DCLK2: variants seen among roughly 807,000 people sequenced by gnomAD.
DCLK2 encodes serine/threonine-protein kinase DCLK2.
DCLK2 carries 31 observed loss-of-function variants against 78.4 expected under a neutral mutation model. The observed-to-expected ratio is 0.40, with a 90% CI of 0.30 to 0.53. The LOEUF is 0.53. DCLK2 is among the 20% of genes least tolerant of loss of function. DCLK2 has a pLI of 0.61. For missense variants in DCLK2, 872 were observed against 973.7 expected (o/e 0.90, Z 1.39); for synonymous variants, 407 against 374.9 (o/e 1.09, Z -0.99).
At chr4:150,236,084 C>A (rs1742481803) in intron 10 of DCLK2, among the ~76,000 whole-genome samples, 1 of 152,108 alleles carries the variant, frequency 6.6e-6, no homozygotes, top group East Asian at 1.9e-4. Flanking sequence ...ATTAAGTTGA[C>A]ATTTTATTTA....
intron 5 of DCLK2, among the ~76,000 whole-genome samples, chr4:150,208,402 TTTTGTTTTG>T (rs1740016092): frequency 2.1e-4 from 1 of 4,858 alleles, no homozygotes; most frequent in African/African-American, 5.4e-4. Context: ...TTTTTTTTGT[TTTTGTTTTG>T]TTTTGTTTTG....
intron 2 of DCLK2, among the ~76,000 whole-genome samples, chr4:150,114,138 T>G (rs556619420): frequency 6.6e-6 from 1 of 152,316 alleles, no homozygotes; most frequent in Admixed American, 6.5e-5. Context: ...TTTTTTAATT[T>G]ATTAAGATTT....
chr4:150,109,367 G>A (rs1560779216), intron 2 of DCLK2, among the ~76,000 whole-genome samples: 1 of 150,416 alleles, frequency 6.6e-6, no homozygotes, highest in Non-Finnish European at 1.5e-5. Flanking sequence ...ACGGAGTCTG[G>A]CTCTGTCGCC....
At chr4:150,140,030 G>C in intron 2 of DCLK2, among the ~76,000 whole-genome samples, 1 of 152,134 alleles carries the variant, frequency 6.6e-6, no homozygotes, top group Non-Finnish European at 1.5e-5. Flanking sequence ...GTGAGTGTTG[G>C]TCTGTGTTTC....
intron 1 of DCLK2, among the ~76,000 whole-genome samples, chr4:150,082,395 CA>C (rs1729361813): frequency 6.6e-6 from 1 of 152,172 alleles, no homozygotes; most frequent in East Asian, 1.9e-4. Context: ...AACATTCATT[CA>C]GAGCCCCAAT....
intron 1 of DCLK2, among the ~76,000 whole-genome samples, chr4:150,080,153 A>G (rs1729148156): frequency 6.7e-6 from 1 of 149,504 alleles, no homozygotes; most frequent in South Asian, 2.1e-4. Context: ...CTGGTTAACA[A>G]TCACCGTGCT....
rs571594649 is a variant in DCLK2 at position 150,113,882 on chromosome 4, A to G, written c.756+11070A>G. 1.5e-4 allele frequency among the ~76,000 whole-genome samples: 23 copies of G among 152,262 alleles called. No homozygotes were observed. In the East Asian group the frequency reaches 3.7e-3, roughly 24 times the overall value. ...TTCAGACTTTTTGATGTAGGCATTT[A>G]GCTCTGTAAACTTTCCACTTAGCAC... On this transcript the variant is annotated intron_variant, in intron 2 of 15. Transcript: ENST00000296550.
At chr4:150,236,871 AG>A (rs1742550201) in intron 10 of DCLK2, among the ~76,000 whole-genome samples, 1 of 152,198 alleles carries the variant, frequency 6.6e-6, no homozygotes, top group Non-Finnish European at 1.5e-5. Flanking sequence ...GACATAATTC[AG>A]CAGTTACAGA....
At chr4:150,201,484 GACTAT>G (rs1739448543) in intron 4 of DCLK2, among the ~76,000 whole-genome samples, 1 of 152,156 alleles carries the variant, frequency 6.6e-6, no homozygotes, top group African/African-American at 2.4e-5. Context: ...AAACTTAGGG[GACTAT>G]ATGTGATTAG....
At chr4:150,148,156 T>C (rs1187851513) in intron 2 of DCLK2, among the ~76,000 whole-genome samples, 1 of 152,066 alleles carries the variant, frequency 6.6e-6, no homozygotes, top group Non-Finnish European at 1.5e-5. Flanking sequence ...TTGAGCTCCG[T>C]AGTTCGAGAC....
At chr4:150,139,323 G>A (rs1465936627) in intron 2 of DCLK2, among the ~76,000 whole-genome samples, 1 of 152,214 alleles carries the variant, frequency 6.6e-6, no homozygotes, top group Non-Finnish European at 1.5e-5. Context: ...GTTGGGAAAA[G>A]CAAAATGATC....
At chr4:150,219,214 A>G (rs1416112661) in intron 5 of DCLK2, among the ~76,000 whole-genome samples, 1 of 151,788 alleles carries the variant, frequency 6.6e-6, no homozygotes, top group East Asian at 1.9e-4. Flanking sequence ...TTATTTAGCA[A>G]AAGGTCTCTT....
chr4:150,106,642 C>G (rs1278437543), intron 2 of DCLK2, among the ~76,000 whole-genome samples: 1 of 152,168 alleles, frequency 6.6e-6, no homozygotes, highest in Admixed American at 6.5e-5. Flanking sequence ...GGCAATTCAC[C>G]ATGAACAGTC....
intron 2 of DCLK2, among the ~76,000 whole-genome samples, chr4:150,179,505 T>G (rs1737349663): frequency 6.6e-6 from 1 of 152,180 alleles, no homozygotes; most frequent in Admixed American, 6.5e-5. Flanking sequence ...CATACCTCCT[T>G]AATTGATGGT....
intron 2 of DCLK2, among the ~76,000 whole-genome samples, chr4:150,166,063 CT>C (rs1475674986): frequency 6.6e-6 from 1 of 152,022 alleles, no homozygotes; most frequent in East Asian, 1.9e-4. Flanking sequence ...AATTTCTTTT[CT>C]TTATAAACTA....
rs138881939 is a variant in DCLK2, at chr4:150,113,058, G to A, written c.756+10246G>A. 3.6e-4 allele frequency among the ~76,000 whole-genome samples: 55 copies of A among 152,094 alleles called. No individual in the cohort carries two copies. In the East Asian group the frequency reaches 8.3e-3, roughly 23 times the overall value. ...ATTCCTGACCTCAGGTGATCCGCTC[G>A]CTTCGGCCTCCCAAAGTGCTGGGAA... is the stretch of plus-strand genomic sequence containing the variant. On this transcript the variant is annotated intron_variant, in intron 2 of 15. Coordinates refer to ENST00000296550, the MANE Select transcript of DCLK2 (RefSeq NM_001040260.4).
At chr4:150,229,859 A>G (rs1741908290) in intron 8 of DCLK2, among the ~76,000 whole-genome samples, 1 of 152,256 alleles carries the variant, frequency 6.6e-6, no homozygotes, top group South Asian at 2.1e-4. Flanking sequence ...GCTCAAGACA[A>G]AAGAGATATT....
At chr4:150,236,623 CTG>C (rs1354613201) in intron 10 of DCLK2, among the ~76,000 whole-genome samples, 1 of 152,154 alleles carries the variant, frequency 6.6e-6, no homozygotes, top group Non-Finnish European at 1.5e-5. Flanking sequence ...TTAAAGGCAA[CTG>C]TTTTTAAAGC....
chr4:150,151,937 T>A (rs868290902), intron 2 of DCLK2, among the ~76,000 whole-genome samples: 20 of 143,340 alleles, frequency 1.4e-4, no homozygotes, highest in East Asian at 4.1e-4. Context: ...AAAAAAAAAA[T>A]AATAATAATT....
Sources: gnomAD v4.1 joint callset for allele counts (sites outside exome capture counted in the v4.1 genomes callset) on GRCh38, gnomAD v4.1.1 for gene constraint, MANE v1.5 for transcripts, NCBI Gene and HGNC (gene_info 2026-07-23, HGNC 2026-07-21) for gene names.